The following PTPRE variants were observed in gnomAD, a reference collection of about 807,000 sequenced individuals.
The protein encoded by PTPRE is receptor-type tyrosine-protein phosphatase epsilon.
A neutral mutation model predicts 102.0 loss-of-function variants in PTPRE; 51 were observed. The observed-to-expected ratio is 0.50, with a 90% confidence interval of 0.40 to 0.63. The LOEUF is 0.63. PTPRE is among the 30% of genes least tolerant of loss of function. The pLI is 0.00. For missense variants in PTPRE, 752 were observed against 915.1 expected, an observed-to-expected ratio of 0.82 and a Z score of 2.30; for synonymous variants, 345 against 348.2, an observed-to-expected ratio of 0.99 and a Z score of 0.10.
intron 1 of PTPRE, among the ~76,000 whole-genome samples, chr10:127,964,085 C>G (rs1161838358): frequency 6.6e-6 from 1 of 152,192 alleles, no homozygotes; most frequent in African/African-American, 2.4e-5. Context: ...GATGATTGCT[C>G]TTGAAGTTGA....
rs1055009265 is a variant in PTPRE at position 128,084,795 on chromosome 10, C to T, written c.*1889C>T. On this transcript the variant is annotated 3_prime_UTR_variant, in exon 21 of 21. Transcript: ENST00000254667. The stretch of plus-strand genomic sequence containing the variant: ...CCCTAGAAAAAGAGCCAGTTTGCTA[C>T]GATGAAGGTGACATTTCTCTGGTCA... 3.6e-4 allele frequency: 55 copies of T among 154,420 alleles called. No homozygotes were observed. Among genetic ancestry groups the T allele is most frequent in the African/African-American group, 1.2e-3 (47 of 39,314 alleles). The allele number at this position is 154,420 out of a possible 1,614,324, so 9.6% of individuals were successfully genotyped here. A position where few individuals can be genotyped will look rare whatever the true frequency, so the allele number is the denominator to read the frequency against.
intron 2 of PTPRE, among the ~76,000 whole-genome samples, chr10:127,996,789 G>C (rs1319509742): frequency 6.6e-6 from 1 of 152,210 alleles, no homozygotes; most frequent in Non-Finnish European, 1.5e-5. Flanking sequence ...GAGTTCCTGT[G>C]AATGTTGCAA....
intron 18 of PTPRE, among the ~76,000 whole-genome samples, chr10:128,077,175 A>G (rs1032552570): frequency 3.9e-5 from 6 of 152,172 alleles, no homozygotes; most frequent in African/African-American, 1.2e-4. Flanking sequence ...GCTGAGCTCC[A>G]AACAGTCAGT....
chr10:127,982,344 G>A (rs1333805743), intron 2 of PTPRE, 48 bp downstream of exon 2: 1 of 1,099,090 alleles, frequency 9.1e-7, no homozygotes. Context: ...CAGATAACTA[G>A]TTTAAAATAA....
chr10:127,956,084 A>G (rs1359132082), intron 1 of PTPRE, among the ~76,000 whole-genome samples: 1 of 152,214 alleles, frequency 6.6e-6, no homozygotes, highest in Non-Finnish European at 1.5e-5. Context: ...GGATAGCTGC[A>G]TCCTGTCAGG....
chr10:128,028,060 C>T lies in PTPRE; in HGVS notation c.-7-12815C>T, dbSNP rs747009186. ...GGAGGGTTCCGGCTTTGGCTGGGGG[C>T]GTGGGAGTCTCCAGAGGCAGCGAGC... On this transcript the variant is annotated intron_variant, in intron 2 of 20. Transcript: ENST00000254667. The surrounding 1 kb of genome is among the most constrained non-coding windows in gnomAD (Gnocchi z 4.5). Among the ~76,000 whole-genome samples the T allele has an allele frequency of 1.3e-5, 2 of 152,168 alleles. No individual in the cohort carries two copies. The highest frequency in any genetic ancestry group is 2.4e-5 in the African/African-American group (1 of 41,438).
At position 127,951,142 on chromosome 10, in the gene PTPRE, A is replaced by G. The variant is rs559471854; in HGVS notation, c.-30-31132A>G. On this transcript the variant is annotated intron_variant, in intron 1 of 20. Coordinates refer to ENST00000254667, the MANE Select transcript of PTPRE (RefSeq NM_006504.6). ...AGGAAGCCTACTAAATTCTTACCTG[A>G]TCTGTATAAGCATAAAACTTTCAGG... Among the ~76,000 whole-genome samples the G allele has an allele frequency of 5.3e-5, 8 of 152,280 alleles. No homozygotes were observed. In the East Asian group the frequency reaches 1.5e-3, roughly 29 times the overall value.
intron 2 of PTPRE, among the ~76,000 whole-genome samples, chr10:128,030,847 G>A (rs12781922): frequency 0.21 from 31,429 of 152,074 alleles, 3,382 homozygotes; most frequent in East Asian, 0.36. Context: ...TCCTTGGACC[G>A]GCTGACTCCC....
chr10:128,016,866 G>A (rs1336631826), intron 2 of PTPRE, among the ~76,000 whole-genome samples: 1 of 152,242 alleles, frequency 6.6e-6, no homozygotes, highest in African/African-American at 2.4e-5. Context: ...GGGGAGACCT[G>A]TGGCCGCTGT....
chr10:127,978,081 A>G (rs1211140982), intron 1 of PTPRE, among the ~76,000 whole-genome samples: 1 of 152,238 alleles, frequency 6.6e-6, no homozygotes, highest in Non-Finnish European at 1.5e-5. Flanking sequence ...AACATAATGG[A>G]GCATCCTCTA....
intron 1 of PTPRE, among the ~76,000 whole-genome samples, chr10:127,919,632 T>C (rs1846452545): frequency 6.6e-6 from 1 of 152,338 alleles, no homozygotes; most frequent in Admixed American, 6.5e-5. Context: ...TAGACAGAAG[T>C]GCACTCCAAC....
chr10:127,988,017 C>G (rs922340085), intron 2 of PTPRE, among the ~76,000 whole-genome samples: 2 of 152,204 alleles, frequency 1.3e-5, no homozygotes, highest in Non-Finnish European at 2.9e-5. Context: ...AGATGAGTGC[C>G]AACTGCCTAA....
At chr10:127,979,080 T>TAGG (rs1456496002) in intron 1 of PTPRE, among the ~76,000 whole-genome samples, 1 of 152,160 alleles carries the variant, frequency 6.6e-6, no homozygotes, top group Non-Finnish European at 1.5e-5. Flanking sequence ...CCTTACCTAC[T>TAGG]AGGATAGTTG....
chr10:128,003,110 A>T (rs1248256019), intron 2 of PTPRE, among the ~76,000 whole-genome samples: 3 of 152,176 alleles, frequency 2.0e-5, no homozygotes, highest in African/African-American at 7.2e-5. Flanking sequence ...ACTGGGTTCA[A>T]ATCCTGGCTT....
At chr10:128,066,226 A>G (rs1850076966) in intron 11 of PTPRE, 32 bp downstream of exon 11, 1 of 1,608,724 alleles carries the variant, frequency 6.2e-7, no homozygotes, top group Middle Eastern at 1.7e-4. Flanking sequence ...CCTTCCAGAA[A>G]GATCATTTTC....
rs137993758 is a variant in PTPRE at position 127,967,183 on chromosome 10, A to C, written c.-30-15091A>C. ...GACCGTATTTTTTAATTGAGTTTTT[A>C]GACAAATTAAATTAATGAATTTGTT... On this transcript the variant is annotated intron_variant, in intron 1 of 20. Transcript: ENST00000254667. 1.5e-3 allele frequency among the ~76,000 whole-genome samples: 224 copies of C among 152,324 alleles called. 2 individuals carry two copies. Among genetic ancestry groups the C allele is most frequent in the African/African-American group, 5.3e-3 (219 of 41,580 alleles).
rs1846420674 is a variant in PTPRE at position 128,028,101 on chromosome 10, T to C, written c.-7-12774T>C. 6.6e-6 allele frequency among the ~76,000 whole-genome samples: 1 copy of C among 152,196 alleles called. No homozygotes were observed. Among genetic ancestry groups the C allele is most frequent in the African/African-American group, 2.4e-5 (1 of 41,452 alleles). Reference sequence around the variant, plus strand: ...GGCAGCGAGCCCAGGACACTGATGGTGCAGACCACTGGATTTCTGGAGAAC... The same window carrying C: ...GGCAGCGAGCCCAGGACACTGATGGCGCAGACCACTGGATTTCTGGAGAAC... On this transcript the variant is annotated intron_variant, in intron 2 of 20. Coordinates refer to ENST00000254667, the MANE Select transcript of PTPRE (RefSeq NM_006504.6). This position sits in a 1 kb window ranked among gnomAD's most constrained non-coding sequence, Gnocchi z 4.5.
In PTPRE at chr10:128,052,145, G is replaced by A. The variant is rs182757488; in HGVS notation, c.420+2479G>A. Among the ~76,000 whole-genome samples the A allele has an allele frequency of 2.6e-3, 390 of 152,262 alleles. 2 individuals are homozygous for A. The highest frequency in any genetic ancestry group is 8.7e-3 in the African/African-American group (361 of 41,544). ...CTGAGTCCACGTTGATGCAGCACCC[G>A]TCCTCTGAGAGCACTGGAGCCTGCC... On this transcript the variant is annotated intron_variant, in intron 6 of 20. Coordinates refer to ENST00000254667, the MANE Select transcript of PTPRE (RefSeq NM_006504.6).
intron 17 of PTPRE, 25 bp from the exon 18 acceptor site, chr10:128,076,578 T>C (rs1330176340): frequency 6.4e-7 from 1 of 1,555,660 alleles, no homozygotes; most frequent in Non-Finnish European, 8.6e-7. Context: ...ATTACAAGAC[T>C]TAAATTTTTA....
Sources: allele counts gnomAD v4.1 joint callset (sites outside exome capture counted in the v4.1 genomes callset), GRCh38; gene constraint gnomAD v4.1.1; non-coding constraint Gnocchi (gnomAD v3.1); transcripts MANE v1.5; gene names NCBI Gene and HGNC (gene_info 2026-07-23, HGNC 2026-07-21).